The following NR5A2 variants were observed in gnomAD, a reference collection of about 807,000 sequenced individuals.
The protein encoded by NR5A2 is nuclear receptor subfamily 5 group A member 2, also known as CYP7A promoter-binding factor.
NR5A2 carries 26 observed loss-of-function variants against 62.7 expected under a neutral mutation model. That is an observed-to-expected ratio of 0.41 (90% CI 0.30 to 0.58). The LOEUF (loss-of-function observed/expected upper bound fraction) is 0.58. NR5A2 is among the 20% of genes least tolerant of loss of function. NR5A2 has a pLI of 0.22. For missense variants in NR5A2, 541 were observed against 669.1 expected, an observed-to-expected ratio of 0.81 and a Z score of 2.11; for synonymous variants, 246 against 241.7, an observed-to-expected ratio of 1.02 and a Z score of -0.16.
At chr1:200,145,370 T>C (rs1402345636) in intron 7 of NR5A2, among the ~76,000 whole-genome samples, 3 of 152,098 alleles carry the variant, frequency 2.0e-5, no homozygotes, top group Non-Finnish European at 2.9e-5. Flanking sequence ...ATTTTTTTTT[T>C]ACCAGTTTCT....
rs1031337947 is a variant in NR5A2 at position 200,094,418 on chromosome 1, C to G, written c.1111-16784C>G. Among the ~76,000 whole-genome samples, 6 of 150,690 alleles carry G rather than the reference C, an allele frequency of 4.0e-5. No homozygotes were observed. The East Asian group carries it at 6.0e-4, about 15-fold the overall frequency. On this transcript the variant is annotated intron_variant, in intron 5 of 7. Coordinates refer to ENST00000367362, the MANE Select transcript of NR5A2 (RefSeq NM_205860.3). ...CAGGCTGGTCTTGAACTGCTGGACT[C>G]AAGCAGTCCATTTTTTGCAACCTCC...
At chr1:200,143,874 C>T (rs977196510) in intron 7 of NR5A2, among the ~76,000 whole-genome samples, 8 of 151,944 alleles carry the variant, frequency 5.3e-5, no homozygotes, top group African/African-American at 1.2e-4. Flanking sequence ...CTCCTGACCT[C>T]ATGTTCCACC....
intron 7 of NR5A2, among the ~76,000 whole-genome samples, chr1:200,137,043 C>T (rs1167439869): frequency 1.3e-5 from 2 of 152,192 alleles, no homozygotes; most frequent in African/African-American, 2.4e-5. Context: ...GATCCTGGCT[C>T]ACTGCAGCCT....
At position 200,083,060 on chromosome 1, in the gene NR5A2, C is replaced by A. The variant is rs576449408; in HGVS notation, c.1111-28142C>A. The stretch of plus-strand genomic sequence containing the variant: ...TAAAGATAAAAATGTCACAGTTTTT[C>A]TATGGAAGTTTTTCAGAACTCATAT... On this transcript the variant is annotated intron_variant, in intron 5 of 7. Coordinates refer to ENST00000367362, the MANE Select transcript of NR5A2 (RefSeq NM_205860.3). Among the ~76,000 whole-genome samples, 9 of 151,996 alleles carry A rather than the reference C, an allele frequency of 5.9e-5. No individual in the cohort carries two copies. In the East Asian group the frequency reaches 1.8e-3, roughly 30 times the overall value.
intron 5 of NR5A2, among the ~76,000 whole-genome samples, chr1:200,099,654 C>CG (rs948691983): frequency 1.2e-4 from 18 of 152,132 alleles, no homozygotes; most frequent in Admixed American, 2.0e-4. Context: ...AGTGCAGTGG[C>CG]GCTATCTCAG....
At position 200,039,959 on chromosome 1, in the gene NR5A2, A is replaced by G. The variant is rs1245257599; in HGVS notation, c.202+164A>G. 6.6e-6 allele frequency among the ~76,000 whole-genome samples: 1 copy of G among 152,008 alleles called. No homozygotes were observed. The highest frequency in any genetic ancestry group is 6.5e-5 in the Admixed American group (1 of 15,280). The stretch of plus-strand genomic sequence containing the variant: ...TCCCCAGGTGCAGGCATAAAAGTTT[A>G]TGGCTCTTGAACAATGCGGGGCAGA... On this transcript the variant is annotated intron_variant, in intron 2 of 7. Transcript: ENST00000367362. The surrounding 1 kb of genome is among the most constrained non-coding windows in gnomAD (Gnocchi z 5.1).
intron 7 of NR5A2, among the ~76,000 whole-genome samples, chr1:200,149,441 C>T (rs1278664101): frequency 2.6e-5 from 4 of 152,168 alleles, no homozygotes; most frequent in Non-Finnish European, 4.4e-5. Context: ...TGACTGCTGC[C>T]GAGGCTAACA....
chr1:200,084,391 C>G (rs948874143), intron 5 of NR5A2, among the ~76,000 whole-genome samples: 10 of 151,978 alleles, frequency 6.6e-5, no homozygotes, highest in Admixed American at 3.3e-4. Context: ...TAATTGTATT[C>G]CTTTCTGAAG....
chr1:200,056,918 G>A (rs973047620), intron 5 of NR5A2, among the ~76,000 whole-genome samples: 21 of 152,110 alleles, frequency 1.4e-4, no homozygotes, highest in Non-Finnish European at 5.9e-5. Context: ...CACTGCTACC[G>A]CATACCTGAC....
At chr1:200,168,002 C>T (rs576359824) in intron 7 of NR5A2, among the ~76,000 whole-genome samples, 28 of 152,172 alleles carry the variant, frequency 1.8e-4, no homozygotes, top group Admixed American at 7.9e-4. Context: ...CCTTTTATTT[C>T]CATATCTCCA....
chr1:200,155,315 T>C (rs1653325165), intron 7 of NR5A2, among the ~76,000 whole-genome samples: 1 of 152,244 alleles, frequency 6.6e-6, no homozygotes, highest in South Asian at 2.1e-4. Context: ...AAATGGCACA[T>C]TCATTAAGTT....
At chr1:200,098,968 C>G (rs1267011752) in intron 5 of NR5A2, among the ~76,000 whole-genome samples, 1 of 152,212 alleles carries the variant, frequency 6.6e-6, no homozygotes, top group African/African-American at 2.4e-5. Flanking sequence ...TAGGGCCAAA[C>G]TTCGACTGTT....
intron 1 of NR5A2, among the ~76,000 whole-genome samples, chr1:200,035,841 A>G (rs1364880493): frequency 6.6e-6 from 1 of 152,122 alleles, no homozygotes; most frequent in Non-Finnish European, 1.5e-5. Context: ...GGGGAAAAGG[A>G]GAGAAGTTTG....
chr1:200,048,672 A>C lies in NR5A2; in HGVS notation c.964A>C (p.Ile322Leu). 6.2e-7 allele frequency: 1 copy of C among 1,614,236 alleles called. No individual in the cohort carries two copies. The highest frequency in any genetic ancestry group is 8.5e-7 in the Non-Finnish European group (1 of 1,180,038). The change falls in exon 5 of 8, where the codon ATC becomes CTC. Residue 322 changes from isoleucine (I) to leucine (L), a missense_variant. Around this residue, in one of 3 missense-constraint regions of NR5A2, gnomAD observed 379 missense variants for 442.0 expected, o/e 0.86. Coordinates refer to ENST00000367362, the MANE Select transcript of NR5A2 (RefSeq NM_205860.3). This position sits in a 1 kb window ranked among gnomAD's most constrained non-coding sequence, Gnocchi z 4.8. ...AGATGAGCCTCAAGTCCAGGCTAAA[A>C]TCATGGCCTATTTGCAGCAAGAGCA... ...EPDEPQVQAKIMAYLQQEQAN... is the reference protein window; with the variant it reads ...EPDEPQVQAKLMAYLQQEQAN...
intron 5 of NR5A2, among the ~76,000 whole-genome samples, chr1:200,106,835 C>G (rs968416584): frequency 1.3e-5 from 2 of 152,166 alleles, no homozygotes; most frequent in African/African-American, 2.4e-5. Flanking sequence ...CCAGGCATCA[C>G]ATTTACCCTA....
In NR5A2 at chr1:200,150,041, A is replaced by AATGGATGG. The variant is rs3838435; in HGVS notation, c.1379-23901_1379-23894dup. On this transcript the variant is annotated intron_variant, in intron 7 of 7. Transcript: ENST00000367362. The stretch of plus-strand genomic sequence containing the variant: ...TGCAATAGGTGTTCAAGCAGCATAT[A>AATGGATGG]ATGGATGGATGGATGGATGGATGGA... Among the ~76,000 whole-genome samples the AATGGATGG allele has an allele frequency of 4.6e-3, 697 of 152,102 alleles. 3 individuals carry two copies. The highest frequency in any genetic ancestry group is 6.6e-3 in the African/African-American group (275 of 41,476).
At chr1:200,155,290 A>T (rs977467188) in intron 7 of NR5A2, among the ~76,000 whole-genome samples, 1 of 152,236 alleles carries the variant, frequency 6.6e-6, no homozygotes, top group African/African-American at 2.4e-5. Flanking sequence ...TTCTTTAAAA[A>T]ACCTTTCTGC....
chr1:200,073,212 A>G (rs1354093586), intron 5 of NR5A2, among the ~76,000 whole-genome samples: 1 of 143,962 alleles, frequency 6.9e-6, no homozygotes. Context: ...GTGCTCTATG[A>G]CTTTGGTCAA....
intron 5 of NR5A2, among the ~76,000 whole-genome samples, chr1:200,080,195 T>C (rs957754336): frequency 6.6e-6 from 1 of 152,082 alleles, no homozygotes; most frequent in African/African-American, 2.4e-5. Context: ...TACCAAGAAA[T>C]ATGTCTAATG....
Sources: allele counts gnomAD v4.1 joint callset (sites outside exome capture counted in the v4.1 genomes callset), GRCh38; gene constraint gnomAD v4.1.1; regional missense constraint gnomAD v4.1.1; non-coding constraint Gnocchi (gnomAD v3.1); transcripts MANE v1.5; gene names NCBI Gene and HGNC (gene_info 2026-07-23, HGNC 2026-07-21).